FMNL2: variants seen among roughly 807,000 people sequenced by gnomAD.
FMNL2 encodes the protein formin like 2, also known as formin-like protein 2.
A neutral mutation model predicts 130.2 loss-of-function variants in FMNL2; 51 were observed. The ratio of observed to expected loss-of-function variants is 0.39; its 90% CI spans 0.31 to 0.49. The LOEUF (loss-of-function observed/expected upper bound fraction) is 0.49, where lower values mean the gene tolerates loss of function less well. FMNL2 is among the 20% of genes least tolerant of loss of function. FMNL2 has a pLI of 0.85. For missense variants in FMNL2, 977 were observed against 1,316.2 expected (o/e 0.74, Z 3.99); for synonymous variants, 465 against 467.1 (o/e 1.00, Z 0.06).
At chr2:152,616,907 A>G (rs1364678822) in intron 12 of FMNL2, among the ~76,000 whole-genome samples, 184 bp from the exon 13 acceptor site, 1 of 152,204 alleles carries the variant, frequency 6.6e-6, no homozygotes. Flanking sequence ...CTAAGTTATC[A>G]ATTCCTGGTA....
chr2:152,542,098 G>A (rs1051341585), intron 2 of FMNL2, among the ~76,000 whole-genome samples: 2 of 152,120 alleles, frequency 1.3e-5, no homozygotes, highest in African/African-American at 2.4e-5. Context: ...TGTATATTGT[G>A]TATGTTTATG....
At chr2:152,439,111 GT>G (rs1687925384) in intron 1 of FMNL2, among the ~76,000 whole-genome samples, 3 of 149,906 alleles carry the variant, frequency 2.0e-5, no homozygotes, top group Admixed American at 1.4e-4. Context: ...GTGTGTGTGT[GT>G]GTGGCAATAG....
intron 1 of FMNL2, among the ~76,000 whole-genome samples, chr2:152,479,254 G>C (rs780543974): frequency 9.2e-5 from 14 of 151,512 alleles, no homozygotes; most frequent in Non-Finnish European, 1.6e-4. Context: ...CAATCCTCCT[G>C]CCTCAGCTTC....
At chr2:152,363,578 C>G (rs373147755) in intron 1 of FMNL2, among the ~76,000 whole-genome samples, 5 of 151,734 alleles carry the variant, frequency 3.3e-5, no homozygotes, top group East Asian at 3.9e-4. Context: ...TTTTTCCCCC[C>G]CAAGACAGAG....
chr2:152,454,890 A>G (rs1234881103), intron 1 of FMNL2, among the ~76,000 whole-genome samples: 1 of 152,240 alleles, frequency 6.6e-6, no homozygotes, highest in Non-Finnish European at 1.5e-5. Context: ...TTCTCAGGGC[A>G]TTCCTGGAGG....
In FMNL2 at chr2:152,578,901, T is replaced by C. The variant is rs1340794958; in HGVS notation, c.719T>C (p.Met240Thr). ...TGTTAATTTTAGTATGGTTTCAACA[T>C]GGTCATGTCTCATCCACACGCTGTC... ...AIMNYQYGFN[M>T]VMSHPHAVNE... is the part of the protein sequence containing the mutation. The change falls in exon 8 of 26, where the codon ATG becomes ACG. Residue 240 changes from methionine to threonine, a missense_variant. This residue lies in a region of FMNL2 where 689 missense variants were observed against 995.9 expected (regional missense o/e 0.69). Coordinates refer to ENST00000288670, the MANE Select transcript of FMNL2 (RefSeq NM_052905.4). 1 of 1,612,380 alleles carries C rather than the reference T, an allele frequency of 6.2e-7. No homozygotes were observed. The highest frequency in any genetic ancestry group is 1.1e-5 in the South Asian group (1 of 90,638).
At position 152,621,664 on chromosome 2, in the gene FMNL2, G is replaced by A. The variant is rs116655451; in HGVS notation, c.1837+1946G>A. Among the ~76,000 whole-genome samples the A allele has an allele frequency of 5.3e-3, 811 of 152,268 alleles. 2 individuals are homozygous for A. Among genetic ancestry groups the A allele is most frequent in the African/African-American group, 0.019 (775 of 41,558 alleles). ...GATCCTTGTGAGTCTTTGATAGCTC[G>A]AGATCAGGCAATTTCTCCAAGGCCT... On this transcript the variant is annotated intron_variant, in intron 15 of 25. Coordinates refer to ENST00000288670, the MANE Select transcript of FMNL2 (RefSeq NM_052905.4).
intron 9 of FMNL2, among the ~76,000 whole-genome samples, chr2:152,603,247 AG>A (rs1461012068): frequency 6.6e-6 from 1 of 152,170 alleles, no homozygotes; most frequent in African/African-American, 2.4e-5. Context: ...CTGTGGTAGT[AG>A]GGGTCCTTCT....
intron 9 of FMNL2, among the ~76,000 whole-genome samples, chr2:152,597,288 G>T (rs1237245931): frequency 6.6e-6 from 1 of 152,220 alleles, no homozygotes; most frequent in East Asian, 1.9e-4. Context: ...AAGTGCATAA[G>T]TCTGAATTTG....
At chr2:152,546,641 C>T (rs530270618) in intron 3 of FMNL2, among the ~76,000 whole-genome samples, 1 of 152,122 alleles carries the variant, frequency 6.6e-6, no homozygotes, top group African/African-American at 2.4e-5. Context: ...GTGCACATAA[C>T]ACAGAGCTTG....
intron 9 of FMNL2, among the ~76,000 whole-genome samples, chr2:152,594,140 T>G (rs2105789662): frequency 1.3e-5 from 2 of 152,140 alleles, no homozygotes; most frequent in South Asian, 4.2e-4. Flanking sequence ...AGTTTTTGCT[T>G]TAGGTGAGAA....
chr2:152,639,561 TAGGCAGA>T (rs1192425754), intron 23 of FMNL2, among the ~76,000 whole-genome samples: 3 of 152,152 alleles, frequency 2.0e-5, no homozygotes, highest in Non-Finnish European at 4.4e-5. Context: ...CCCCTAACAA[TAGGCAGA>T]AGGCAGAAGA....
chr2:152,551,699 T>C (rs747144719), intron 4 of FMNL2, among the ~76,000 whole-genome samples: 4 of 152,232 alleles, frequency 2.6e-5, no homozygotes, highest in Non-Finnish European at 5.9e-5. Context: ...TATATTTTAT[T>C]GTACTGTTTA....
chr2:152,401,774 G>A (rs1685705433), intron 1 of FMNL2, among the ~76,000 whole-genome samples: 1 of 151,880 alleles, frequency 6.6e-6, no homozygotes, highest in Non-Finnish European at 1.5e-5. Context: ...GGTGCTTGAT[G>A]AAGTGGTTAT....
chr2:152,427,379 T>G (rs559855882), intron 1 of FMNL2, among the ~76,000 whole-genome samples: 31 of 152,192 alleles, frequency 2.0e-4, no homozygotes, highest in Admixed American at 6.5e-4. Flanking sequence ...AAACCCAGTC[T>G]CTACTAAAAA....
chr2:152,437,014 G>T (rs143998907), intron 1 of FMNL2, among the ~76,000 whole-genome samples: 1 of 152,320 alleles, frequency 6.6e-6, no homozygotes, highest in Non-Finnish European at 1.5e-5. Flanking sequence ...CAGATCTGGT[G>T]TCTGGTGAAG....
chr2:152,595,734 C>T (rs532495714), intron 9 of FMNL2, among the ~76,000 whole-genome samples: 1 of 152,036 alleles, frequency 6.6e-6, no homozygotes, highest in Non-Finnish European at 1.5e-5. Flanking sequence ...TATTTTTTTT[C>T]CCATGCGGAG....
At chr2:152,463,501 C>A (rs1202816077) in intron 1 of FMNL2, among the ~76,000 whole-genome samples, 2 of 152,152 alleles carry the variant, frequency 1.3e-5, no homozygotes, top group Admixed American at 1.3e-4. Context: ...GGCCTGAGTG[C>A]AATTTGCCTT....
chr2:152,589,064 A>G (rs1331361651), intron 9 of FMNL2, among the ~76,000 whole-genome samples: 2 of 148,664 alleles, frequency 1.3e-5, no homozygotes, highest in African/African-American at 5.0e-5. Flanking sequence ...TTTACTTATC[A>G]CGTCTTCAGG....
Sources: gnomAD v4.1 joint callset for allele counts (sites outside exome capture counted in the v4.1 genomes callset) on GRCh38, gnomAD v4.1.1 for gene constraint, gnomAD v4.1.1 regional missense constraint, MANE v1.5 for transcripts, NCBI Gene and HGNC (gene_info 2026-07-23, HGNC 2026-07-21) for gene names.